The following UBIAD1 variants were observed in gnomAD, a reference collection of about 807,000 sequenced individuals.
UBIAD1 encodes the protein UbiA prenyltransferase domain containing 1.
UBIAD1 carries 12 observed loss-of-function variants against 20.1 expected under a neutral mutation model. The observed-to-expected ratio is 0.60, with a 90% confidence interval of 0.38 to 0.97. The LOEUF is 0.97. Ranked by LOEUF, UBIAD1 falls within the 50% of genes least tolerant of loss-of-function variation. The pLI is 0.00. For missense variants in UBIAD1, 333 were observed against 419.5 expected, an observed-to-expected ratio of 0.79 and a Z score of 1.80; for synonymous variants, 207 against 189.2, an observed-to-expected ratio of 1.09 and a Z score of -0.77.
Position 11,286,569 on chromosome 1 carries a change from A to G in UBIAD1, c.*438A>G, listed in dbSNP as rs1638265169. 1.1e-5 allele frequency: 3 copies of G among 280,190 alleles called. No individual in the cohort carries two copies. Among genetic ancestry groups the G allele is most frequent in the African/African-American group, 4.5e-5 (2 of 44,476 alleles). 17.4% of individuals were successfully genotyped at this position (280,190 alleles called of 1,614,324 possible). A position where few individuals can be genotyped will look rare whatever the true frequency, so the allele number is the denominator to read the frequency against. On this transcript the variant is annotated 3_prime_UTR_variant, in exon 2 of 2. Transcript: ENST00000376810. Reference sequence around the variant, plus strand: ...CTTTCTTCGTCTCGTAGGATGTGCTATGATTGGTGCCAGGCCTCACTAACA... The same window carrying G: ...CTTTCTTCGTCTCGTAGGATGTGCTGTGATTGGTGCCAGGCCTCACTAACA...
downstream of UBIAD1, among the ~76,000 whole-genome samples, chr1:11,289,343 A>G (rs1010726129): frequency 1.3e-5 from 2 of 152,294 alleles, no homozygotes; most frequent in African/African-American, 2.4e-5. Context: ...CCTTGGAGGA[A>G]GAGCTTACAA....
Position 11,286,322 on chromosome 1 carries a change from TG to T in UBIAD1, c.*195del. The T allele has an allele frequency of 1.4e-6, 1 of 740,340 alleles. No individual in the cohort carries two copies. The highest frequency in any genetic ancestry group is 2.2e-6 in the Non-Finnish European group (1 of 464,134). 45.9% of individuals were successfully genotyped at this position (740,340 alleles called of 1,614,324 possible). ...TCTGTTTTTTGTTTTTTCCATTTTA[TG>T]GGGAATTTAAAAACCATTCTTGTAT... On this transcript the variant is annotated 3_prime_UTR_variant, in exon 2 of 2. Coordinates refer to ENST00000376810, the MANE Select transcript of UBIAD1 (RefSeq NM_013319.3).
In UBIAD1 at chr1:11,286,167, T is replaced by G; in HGVS notation, c.*36T>G. 6.2e-7 allele frequency: 1 copy of G among 1,613,802 alleles called. No individual in the cohort carries two copies. Among genetic ancestry groups the G allele is most frequent in the Non-Finnish European group, 8.5e-7 (1 of 1,179,860 alleles). On this transcript the variant is annotated 3_prime_UTR_variant, in exon 2 of 2. Coordinates refer to ENST00000376810, the MANE Select transcript of UBIAD1 (RefSeq NM_013319.3). The stretch of plus-strand genomic sequence containing the variant: ...AGCTCCCCCCACGACATGTCTCCCT[T>G]TCTTAGAATATATTAAAGTCAGAGT...
downstream of UBIAD1, among the ~76,000 whole-genome samples, chr1:11,289,575 T>A (rs537365490): frequency 2.3e-4 from 35 of 151,808 alleles, 1 homozygote; most frequent in African/African-American, 6.0e-4. Flanking sequence ...TTATTTATTA[T>A]TTTTTTTGAG....
chr1:11,297,118 G>C (rs903553554), downstream of UBIAD1, among the ~76,000 whole-genome samples: 9 of 152,220 alleles, frequency 5.9e-5, no homozygotes, highest in African/African-American at 2.2e-4. Context: ...ACTCTCTGCT[G>C]TGGTTTGAAT....
chr1:11,285,496 G>C lies in UBIAD1; in HGVS notation c.530-148G>C. The C allele has an allele frequency of 8.2e-7, 1 of 1,226,678 alleles. No homozygotes were observed. 76.0% of individuals were successfully genotyped at this position (1,226,678 alleles called of 1,614,324 possible). On this transcript the variant is annotated intron_variant, in intron 1 of 1. Transcript: ENST00000376810. The surrounding 1 kb of genome is among the most constrained non-coding windows in gnomAD (Gnocchi z 4.4). ...TGGAGAAGAAATCAGAATTTGCTCT[G>C]TGGGGTTAAGGGATGAAATGAGTGC...
At chr1:11,297,259 G>A (rs1444540938), downstream of UBIAD1, among the ~76,000 whole-genome samples, 1 of 152,182 alleles carries the variant, frequency 6.6e-6, no homozygotes, top group African/African-American at 2.4e-5. Context: ...GTCCTCATGG[G>A]TAGAGTATTA....
chr1:11,273,344 C>T lies in UBIAD1; in HGVS notation c.-188C>T. 4 of 659,254 alleles carry T rather than the reference C, an allele frequency of 6.1e-6. 1 individual carries two copies. Among genetic ancestry groups the T allele is most frequent in the Middle Eastern group, 8.3e-4 (2 of 2,414 alleles). The allele number at this position is 659,254 out of a possible 1,614,324, so 40.8% of individuals were successfully genotyped here. The stretch of plus-strand genomic sequence containing the variant: ...CAGGTGACGGGTAGTAGGGGCGGCG[C>T]CGCTTGGCCTCGTGGGGTGTAAGAC... On this transcript the variant is annotated 5_prime_UTR_variant, in exon 1 of 2. Transcript: ENST00000376810. The surrounding 1 kb of genome is among the most constrained non-coding windows in gnomAD (Gnocchi z 4.9).
chr1:11,291,749 C>T (rs1638371303), downstream of UBIAD1, among the ~76,000 whole-genome samples: 1 of 152,102 alleles, frequency 6.6e-6, no homozygotes, highest in African/African-American at 2.4e-5. Flanking sequence ...GTGTAAGAAC[C>T]ACACTTTGAA....
chr1:11,291,208 T>C (rs183276030), downstream of UBIAD1, among the ~76,000 whole-genome samples: 10 of 152,336 alleles, frequency 6.6e-5, no homozygotes, highest in Admixed American at 5.2e-4. Flanking sequence ...TCTTGCCTTC[T>C]TTCTTTTCTC....
rs756182337 is a variant in UBIAD1 at position 11,285,777 on chromosome 1, C to T, written c.663C>T (p.Leu221=). 1.4e-5 allele frequency: 23 copies of T among 1,614,070 alleles called. 1 individual carries two copies. In the Admixed American group the frequency reaches 1.7e-4, roughly 12 times the overall value. The change falls in exon 2 of 2, where the codon CTC becomes CTT. Residue 221 remains leucine (L), a synonymous_variant. Coordinates refer to ENST00000376810, the MANE Select transcript of UBIAD1 (RefSeq NM_013319.3). The surrounding 1 kb of genome is among the most constrained non-coding windows in gnomAD (Gnocchi z 4.4). ...TCCCACTGGTCTATGCCATCCCCCT[C>T]GCCCTCAGCACCGAGGCCATTCTCC... The part of the protein sequence containing the change: ...AIFPLVYAIP[L]ALSTEAILHS...
At chr1:11,289,707 G>A (rs948190891), downstream of UBIAD1, among the ~76,000 whole-genome samples, 2 of 151,488 alleles carry the variant, frequency 1.3e-5, no homozygotes, top group African/African-American at 4.9e-5. Flanking sequence ...GGGATTACAG[G>A]CACGTACCAC....
intron 1 of UBIAD1, among the ~76,000 whole-genome samples, chr1:11,278,118 T>G (rs1652119051): frequency 6.6e-6 from 1 of 152,046 alleles, no homozygotes; most frequent in Non-Finnish European, 1.5e-5. Context: ...CTACCACGCC[T>G]GGTTAATTTT....
At chr1:11,288,906 T>C (rs1255711490), downstream of UBIAD1, among the ~76,000 whole-genome samples, 1 of 150,914 alleles carries the variant, frequency 6.6e-6, no homozygotes, top group East Asian at 1.9e-4. Flanking sequence ...AGCGAGACAC[T>C]GTCTCAAAAA....
chr1:11,284,590 G>C (rs781301257), intron 1 of UBIAD1, among the ~76,000 whole-genome samples: 3 of 152,102 alleles, frequency 2.0e-5, no homozygotes, highest in Non-Finnish European at 4.4e-5. Flanking sequence ...TCAGCCTCCC[G>C]AGTAGCTGGG....
intron 1 of UBIAD1, chr1:11,294,829 C>T (rs1439537470): frequency 2.8e-6 from 2 of 717,384 alleles, no homozygotes; most frequent in East Asian, 2.7e-5. Flanking sequence ...ATTTATGCTC[C>T]TGTCCCCTCA....
intron 1 of UBIAD1, among the ~76,000 whole-genome samples, chr1:11,280,325 T>A (rs1446245759): frequency 6.6e-6 from 1 of 152,098 alleles, no homozygotes; most frequent in African/African-American, 2.4e-5. Context: ...AGGGTCTCTG[T>A]CATGGCGATC....
chr1:11,282,343 A>G (rs1652266939), intron 1 of UBIAD1, among the ~76,000 whole-genome samples: 1 of 152,130 alleles, frequency 6.6e-6, no homozygotes, highest in East Asian at 1.9e-4. Context: ...GGAGAGGAGG[A>G]ATGCCTAAAA....
chr1:11,297,192 A>G (rs1321078417), downstream of UBIAD1, among the ~76,000 whole-genome samples: 1 of 152,178 alleles, frequency 6.6e-6, no homozygotes, highest in South Asian at 2.1e-4. Flanking sequence ...CCTAATCCCC[A>G]ACATGATTGT....
Sources: allele counts gnomAD v4.1 joint callset (sites outside exome capture counted in the v4.1 genomes callset), GRCh38; gene constraint gnomAD v4.1.1; non-coding constraint Gnocchi (gnomAD v3.1); transcripts MANE v1.5; gene names NCBI Gene and HGNC (gene_info 2026-07-23, HGNC 2026-07-21).